CLDN1: variants seen among roughly 807,000 people sequenced by gnomAD.
CLDN1 encodes claudin-1.
CLDN1 carries 12 observed loss-of-function variants against 22.6 expected under a neutral mutation model. That is an observed-to-expected ratio of 0.53 (90% confidence interval 0.34 to 0.86). The LOEUF is 0.86. CLDN1 is among the 40% of genes least tolerant of loss of function. The pLI, the probability that CLDN1 is intolerant of heterozygous loss-of-function variation, is 0.02. For synonymous variants in CLDN1, 99 were observed against 103.8 expected (o/e 0.95, Z 0.28); for missense variants, 250 against 269.5 (o/e 0.93, Z 0.51).
At chr3:190,311,807 A>T (rs551019916) in intron 2 of CLDN1, among the ~76,000 whole-genome samples, 91 of 151,850 alleles carry the variant, frequency 6.0e-4, no homozygotes, top group Admixed American at 1.4e-3. Flanking sequence ...ACGTAAGTAT[A>T]CATACACTAT....
At chr3:190,315,178 G>A (rs1716732314) in intron 1 of CLDN1, among the ~76,000 whole-genome samples, 1 of 152,142 alleles carries the variant, frequency 6.6e-6, no homozygotes, top group Non-Finnish European at 1.5e-5. Context: ...GATTACACTT[G>A]GCAGGAAAAT....
At chr3:190,310,814 G>A (rs1716595562) in intron 2 of CLDN1, among the ~76,000 whole-genome samples, 1 of 152,090 alleles carries the variant, frequency 6.6e-6, no homozygotes, top group African/African-American at 2.4e-5. Flanking sequence ...GTATAGGTTG[G>A]CCTGAGATTT....
chr3:190,316,930 C>T, intron 1 of CLDN1, among the ~76,000 whole-genome samples: 1 of 152,260 alleles, frequency 6.6e-6, no homozygotes, highest in Middle Eastern at 3.4e-3. Flanking sequence ...TAACTAGAAA[C>T]TCATGCAGAT....
At chr3:190,320,647 C>T (rs1200923129) in intron 1 of CLDN1, among the ~76,000 whole-genome samples, 1 of 152,172 alleles carries the variant, frequency 6.6e-6, no homozygotes, top group African/African-American at 2.4e-5. Flanking sequence ...TTTAATAACT[C>T]TAAACTATAT....
At position 190,306,361 on chromosome 3, in the gene CLDN1, T is replaced by C. The variant is rs1716452142; in HGVS notation, c.*1916A>G. On this transcript the variant is annotated 3_prime_UTR_variant, in exon 4 of 4. Transcript: ENST00000295522. Reference sequence around the variant, plus strand: ...TTCACTGTCTCATCACTTGAGAGACTGGTTAAGGCAAGAAACCCATTTCTT... The same window carrying C: ...TTCACTGTCTCATCACTTGAGAGACCGGTTAAGGCAAGAAACCCATTTCTT... 6.6e-6 allele frequency: 1 copy of C among 152,260 alleles called. No individual in the cohort carries two copies. The highest frequency in any genetic ancestry group is 2.1e-4 in the South Asian group (1 of 4,834). The allele number at this position is 152,260 out of a possible 1,614,324, so 9.4% of individuals were successfully genotyped here. A position where few individuals can be genotyped will look rare whatever the true frequency, so the allele number is the denominator to read the frequency against.
In CLDN1 at chr3:190,308,085, GAAGAT is replaced by G; in HGVS notation, c.*187_*191del. The G allele has an allele frequency of 1.6e-6, 1 of 628,066 alleles. No individual in the cohort carries two copies. The highest frequency in any genetic ancestry group is 2.7e-6 in the Non-Finnish European group (1 of 365,480). 38.9% of individuals were successfully genotyped at this position (628,066 alleles called of 1,614,324 possible). A position where few individuals can be genotyped will look rare whatever the true frequency, so the allele number is the denominator to read the frequency against. On this transcript the variant is annotated 3_prime_UTR_variant, in exon 4 of 4. Transcript: ENST00000295522. ...AATCTTCCCTCCTATATTGAGGAAA[GAAGAT>G]AAAATAAGATTAAGCCATGTTTAGC... is the stretch of plus-strand genomic sequence containing the variant.
At chr3:190,310,577 T>A (rs1278660592) in intron 2 of CLDN1, among the ~76,000 whole-genome samples, 1 of 152,240 alleles carries the variant, frequency 6.6e-6, no homozygotes, top group African/African-American at 2.4e-5. Flanking sequence ...ATTAGGATAC[T>A]AAACTACATT....
At position 190,322,105 on chromosome 3, in the gene CLDN1, G is replaced by A. The variant is rs1055883681; in HGVS notation, c.102C>T (p.Ser34=). The A allele has an allele frequency of 6.2e-7, 1 of 1,614,228 alleles. No individual in the cohort carries two copies. The highest frequency in any genetic ancestry group is 8.5e-7 in the Non-Finnish European group (1 of 1,180,040). The change falls in exon 1 of 4, where the codon TCC becomes TCT. Residue 34 remains serine, a synonymous_variant. Coordinates refer to ENST00000295522, the MANE Select transcript of CLDN1 (RefSeq NM_021101.5). ...STALPQWRIY[S]YAGDNIVTAQ... is the part of the protein sequence containing the mutation. ...CGGTCACGATGTTGTCGCCGGCATA[G>A]GAGTAAATCCTCCACTGGGGCAGGG... is the stretch of plus-strand genomic sequence containing the variant.
chr3:190,316,091 A>G (rs2108611309), intron 1 of CLDN1, among the ~76,000 whole-genome samples: 1 of 152,358 alleles, frequency 6.6e-6, no homozygotes, highest in Middle Eastern at 3.4e-3. Context: ...ATTCTGTTCT[A>G]TGATTGCTAA....
At chr3:190,309,784 A>G (rs1577387381) in intron 3 of CLDN1, among the ~76,000 whole-genome samples, 2 of 152,340 alleles carry the variant, frequency 1.3e-5, no homozygotes, top group African/African-American at 2.4e-5. Context: ...ATTTTTCTCA[A>G]TCAATCATAA....
rs1445825488 is a variant in CLDN1 at position 190,307,214 on chromosome 3, C to A, written c.*1063G>T. On this transcript the variant is annotated 3_prime_UTR_variant, in exon 4 of 4. Transcript: ENST00000295522. ...GAGAATATTTGTCACCAGATTATCA[C>A]TCCAGAAAGTCTAGCACTTTGTTCA... The A allele has an allele frequency of 6.6e-6, 1 of 152,544 alleles. No homozygotes were observed. Among genetic ancestry groups the A allele is most frequent in the Non-Finnish European group, 1.5e-5 (1 of 68,038 alleles). The allele number at this position is 152,544 out of a possible 1,614,324, so 9.4% of individuals were successfully genotyped here.
rs73056492 is a variant in CLDN1 at position 190,306,843 on chromosome 3, G to A, written c.*1434C>T. 0.056 allele frequency: 8,473 copies of A among 152,632 alleles called. 812 individuals are homozygous for A. The highest frequency in any genetic ancestry group is 0.19 in the African/African-American group (7,848 of 41,422). The allele number at this position is 152,632 out of a possible 1,614,324, so 9.5% of individuals were successfully genotyped here. On this transcript the variant is annotated 3_prime_UTR_variant, in exon 4 of 4. Transcript: ENST00000295522. Reference sequence around the variant, plus strand: ...GGCACTGAGCCACATGAAGGTATGTGCGTAGGTTTTGTTCAGTGGAAATAG... The same window carrying A: ...GGCACTGAGCCACATGAAGGTATGTACGTAGGTTTTGTTCAGTGGAAATAG...
chr3:190,309,413 C>T (rs1327780959), intron 3 of CLDN1, among the ~76,000 whole-genome samples: 2 of 152,172 alleles, frequency 1.3e-5, no homozygotes, highest in East Asian at 3.8e-4. Context: ...AAAAGAAACA[C>T]ATCTTATCTC....
chr3:190,321,934 A>G, intron 1 of CLDN1, 50 bp downstream of exon 1: 4 of 1,427,458 alleles, frequency 2.8e-6, no homozygotes, highest in Non-Finnish European at 4.0e-6. Flanking sequence ...AGGGAGCTGC[A>G]GGGGGACTGG....
rs562249571 is a variant in CLDN1, at chr3:190,322,168, G to C, written c.39C>G (p.Leu13=). 1.4e-5 allele frequency: 23 copies of C among 1,614,140 alleles called. No homozygotes were observed. In the South Asian group the frequency reaches 2.3e-4, roughly 16 times the overall value. ...NAGLQLLGFI[L]AFLGWIGAIV... ...TGGCGCCGATCCATCCCAGGAAGGCGAGAATGAAGCCCAACAGCTGCAGCC... is the reference window on the plus strand; with the variant it reads ...TGGCGCCGATCCATCCCAGGAAGGCCAGAATGAAGCCCAACAGCTGCAGCC... Residue 13 remains leucine, a synonymous_variant, in exon 1 of 4, where the codon CTC becomes CTG. Transcript: ENST00000295522.
chr3:190,321,752 G>A (rs188389801), intron 1 of CLDN1, among the ~76,000 whole-genome samples: 1 of 152,312 alleles, frequency 6.6e-6, no homozygotes, highest in African/African-American at 2.4e-5. Context: ...GCCACACCTA[G>A]AGTGGCAGAA....
intron 1 of CLDN1, chr3:190,313,291 A>C: frequency 2.1e-6 from 1 of 480,560 alleles, no homozygotes; most frequent in Non-Finnish European, 3.8e-6. Flanking sequence ...TAAATTCAAA[A>C]TCAACTGGAA....
At position 190,310,967 on chromosome 3, in the gene CLDN1, T is replaced by A. The variant is rs192121606; in HGVS notation, c.389-714A>T. Among the ~76,000 whole-genome samples, 27 of 152,346 alleles carry A rather than the reference T, an allele frequency of 1.8e-4. No homozygotes were observed. The East Asian group carries it at 3.5e-3, about 20-fold the overall frequency. ...AGATGTATAAAATACTTCATTTTTT[T>A]ATCAAAAAAGTTAAATAACTTTTTT... On this transcript the variant is annotated intron_variant, in intron 2 of 3. Transcript: ENST00000295522.
At position 190,307,450 on chromosome 3, in the gene CLDN1, A is replaced by C. The variant is rs562359831; in HGVS notation, c.*827T>G. 284 of 152,338 alleles carry C rather than the reference A, an allele frequency of 1.9e-3. No homozygotes were observed. The highest frequency in any genetic ancestry group is 6.7e-3 in the African/African-American group (278 of 41,566). 9.4% of individuals were successfully genotyped at this position (152,338 alleles called of 1,614,324 possible). The stretch of plus-strand genomic sequence containing the variant: ...TCAATTGGACAAATATTTTCAAAGC[A>C]AACAAGAGTGCTATGGGTCAGAGTA... On this transcript the variant is annotated 3_prime_UTR_variant, in exon 4 of 4. Coordinates refer to ENST00000295522, the MANE Select transcript of CLDN1 (RefSeq NM_021101.5).
Sources: gnomAD v4.1 joint callset for allele counts (sites outside exome capture counted in the v4.1 genomes callset) on GRCh38, gnomAD v4.1.1 for gene constraint, MANE v1.5 for transcripts, NCBI Gene and HGNC (gene_info 2026-07-23, HGNC 2026-07-21) for gene names.